ITGB3: variants seen among roughly 807,000 people sequenced by gnomAD.
The protein encoded by ITGB3 is integrin subunit beta 3, also known as integrin beta-3.
In ITGB3, 48 loss-of-function variants were observed where a neutral mutation model predicts 85.8. The ratio of observed to expected loss-of-function variants is 0.56; its 90% CI spans 0.44 to 0.71. The LOEUF is 0.71. ITGB3 is among the 30% of genes least tolerant of loss of function. The probability of loss-of-function intolerance (pLI) is 0.00; values close to 1 mark genes in which losing one functional copy is unlikely to be tolerated. For synonymous variants in ITGB3, 363 were observed against 395.6 expected (o/e 0.92, Z 0.98); for missense variants, 861 against 1,019.1 (o/e 0.84, Z 2.11).
chr17:47,269,946 G>GA (rs1180579820), intron 1 of ITGB3, among the ~76,000 whole-genome samples: 2 of 152,212 alleles, frequency 1.3e-5, no homozygotes, highest in African/African-American at 4.8e-5. Flanking sequence ...AAGGCCTCAG[G>GA]AAACTTACAA....
chr17:47,303,249 C>A (rs2065174193), intron 13 of ITGB3, among the ~76,000 whole-genome samples: 1 of 150,300 alleles, frequency 6.7e-6, no homozygotes, highest in East Asian at 2.0e-4. Context: ...GACTCTGTCT[C>A]AAAAAAACAA....
intron 1 of ITGB3, among the ~76,000 whole-genome samples, chr17:47,270,167 G>A (rs11657963): frequency 0.28 from 43,029 of 152,058 alleles, 6,390 homozygotes; most frequent in African/African-American, 0.34. Flanking sequence ...GGGTACTACA[G>A]TTCAAGATGA....
At chr17:47,258,499 G>T (rs1024412440) in intron 1 of ITGB3, among the ~76,000 whole-genome samples, 1 of 150,730 alleles carries the variant, frequency 6.6e-6, no homozygotes, top group Non-Finnish European at 1.5e-5. Context: ...CCTTTTTAGT[G>T]CATACAGTTC....
chr17:47,298,534 C>T (rs1485936299), intron 10 of ITGB3, among the ~76,000 whole-genome samples: 1 of 152,182 alleles, frequency 6.6e-6, no homozygotes, highest in Non-Finnish European at 1.5e-5. Flanking sequence ...TTTGGAATAA[C>T]CCCATGCCCT....
chr17:47,307,353 A>G, intron 13 of ITGB3, 118 bp from the exon 14 acceptor site: 2 of 1,143,304 alleles, frequency 1.7e-6, no homozygotes, highest in Non-Finnish European at 2.6e-6. Context: ...AATTTTTGAA[A>G]ACTGTCCTAT....
At chr17:47,282,199 T>G (rs995455931) in intron 2 of ITGB3, among the ~76,000 whole-genome samples, 1 of 152,142 alleles carries the variant, frequency 6.6e-6, no homozygotes, top group Non-Finnish European at 1.5e-5. Context: ...TCTGCCCACC[T>G]CAGCCTCCCA....
At chr17:47,298,365 C>T (rs2065153514) in intron 10 of ITGB3, among the ~76,000 whole-genome samples, 2 of 152,184 alleles carry the variant, frequency 1.3e-5, no homozygotes, top group African/African-American at 4.8e-5. Flanking sequence ...CTGCACTGGC[C>T]CTCGGCAGTC....
At chr17:47,302,569 C>A in intron 12 of ITGB3, 152 bp from the exon 13 acceptor site, 2 of 898,188 alleles carry the variant, frequency 2.2e-6, no homozygotes, top group Admixed American at 2.1e-5. Flanking sequence ...AACTGCCAGA[C>A]ACAACAGCCA....
chr17:47,274,719 C>T (rs2065056833), intron 2 of ITGB3, among the ~76,000 whole-genome samples: 1 of 152,256 alleles, frequency 6.6e-6, no homozygotes, highest in Non-Finnish European at 1.5e-5. Flanking sequence ...TAGCCCCTGG[C>T]CCTTGCCAGT....
intron 6 of ITGB3, 152 bp downstream of exon 6, chr17:47,287,383 G>A (rs1041469291): frequency 6.5e-6 from 5 of 769,346 alleles, no homozygotes; most frequent in Non-Finnish European, 8.9e-6. Flanking sequence ...CTTACCAACT[G>A]GACACCGTCA....
At position 47,306,673 on chromosome 17, in the gene ITGB3, CATTT is replaced by C. The variant is rs960919469; in HGVS notation, c.2135-777_2135-774del. ...TAAAGTCAATTTTTTATTTCTTATT[CATTT>C]ATTTATTTATTTATTTATTTTGAGA... On this transcript the variant is annotated intron_variant, in intron 13 of 14. Coordinates refer to ENST00000559488, the MANE Select transcript of ITGB3 (RefSeq NM_000212.3). Among the ~76,000 whole-genome samples the C allele has an allele frequency of 2.5e-3, 375 of 151,870 alleles. 4 individuals carry two copies. The highest frequency in any genetic ancestry group is 2.1e-3 in the South Asian group (10 of 4,812).
chr17:47,260,101 T>G (rs2149059267), intron 1 of ITGB3, among the ~76,000 whole-genome samples: 1 of 152,212 alleles, frequency 6.6e-6, no homozygotes, highest in African/African-American at 2.4e-5. Context: ...TTCCTTTACT[T>G]AAACCCATGA....
rs753574028 is a variant in ITGB3, at chr17:47,307,600, A to C, written c.2264A>C (p.Lys755Thr). The C allele has an allele frequency of 9.3e-6, 15 of 1,614,194 alleles. No individual in the cohort carries two copies. The highest frequency in any genetic ancestry group is 1.3e-5 in the Non-Finnish European group (15 of 1,180,038). The change falls in exon 14 of 15, where the codon AAA (lysine) becomes ACA (threonine). Residue 755 changes from lysine (K) to threonine (T), a missense_variant. Transcript: ENST00000559488. ...ITIHDRKEFA[K>T]FEEERARAKW... is the part of the protein sequence containing the mutation. ...ATCCACGACCGAAAAGAATTCGCTA[A>C]ATTTGAGGAAGAACGCGCCAGAGCA...
chr17:47,307,032 G>T (rs1210814223), intron 13 of ITGB3, among the ~76,000 whole-genome samples: 1 of 152,106 alleles, frequency 6.6e-6, no homozygotes, highest in African/African-American at 2.4e-5. Context: ...GGGTACATGT[G>T]TGGGTTTGTT....
At chr17:47,297,934 CT>C (rs2065151805) in intron 10 of ITGB3, among the ~76,000 whole-genome samples, 1 of 150,118 alleles carries the variant, frequency 6.7e-6, no homozygotes, top group African/African-American at 2.5e-5. Flanking sequence ...TGGCACAGTA[CT>C]TGACACATAT....
At chr17:47,270,507 A>G in intron 1 of ITGB3, among the ~76,000 whole-genome samples, 1 of 152,228 alleles carries the variant, frequency 6.6e-6, no homozygotes, top group East Asian at 1.9e-4. Context: ...CTTGGGTTGC[A>G]TTGTTCGTTG....
intron 2 of ITGB3, among the ~76,000 whole-genome samples, chr17:47,279,012 G>A (rs1001491442): frequency 1.3e-5 from 2 of 152,190 alleles, no homozygotes; most frequent in Non-Finnish European, 2.9e-5. Context: ...TTTATATTTT[G>A]AAAGCATTTC....
At position 47,299,172 on chromosome 17, in the gene ITGB3, T is replaced by G; in HGVS notation, c.1691-136T>G. ...CCCTGCTGGGTAGGACTCCCCTGGGTGGTGAGCCAATTCCCTGCCAACCTG... is the reference window on the plus strand; with the variant it reads ...CCCTGCTGGGTAGGACTCCCCTGGGGGGTGAGCCAATTCCCTGCCAACCTG... On this transcript the variant is annotated intron_variant, in intron 10 of 14. Transcript: ENST00000559488. The surrounding 1 kb of genome is among the most constrained non-coding windows in gnomAD (Gnocchi z 5.1). 4.8e-6 allele frequency: 4 copies of G among 831,228 alleles called. No individual in the cohort carries two copies. Among genetic ancestry groups the G allele is most frequent in the Non-Finnish European group, 7.9e-6 (4 of 505,084 alleles). 51.5% of individuals were successfully genotyped at this position (831,228 alleles called of 1,614,324 possible).
chr17:47,255,613 G>A (rs1025564043), intron 1 of ITGB3, among the ~76,000 whole-genome samples: 3 of 151,970 alleles, frequency 2.0e-5, no homozygotes, highest in African/African-American at 7.2e-5. Context: ...GTAGAGACGG[G>A]ATTTCCCCAT....
Sources: gnomAD v4.1 joint callset for allele counts (sites outside exome capture counted in the v4.1 genomes callset) on GRCh38, gnomAD v4.1.1 for gene constraint, Gnocchi (gnomAD v3.1) non-coding constraint, MANE v1.5 for transcripts, NCBI Gene and HGNC (gene_info 2026-07-23, HGNC 2026-07-21) for gene names.